The following ATP2B2 variants were observed in gnomAD, a reference collection of about 807,000 sequenced individuals.
ATP2B2 encodes the protein plasma membrane calcium-transporting ATPase 2.
In ATP2B2, 15 loss-of-function variants were observed where a neutral mutation model predicts 120.0. That is an observed-to-expected ratio of 0.12 (90% confidence interval 0.08 to 0.19). The LOEUF is 0.19. Ranked by LOEUF, ATP2B2 falls within the 10% of genes least tolerant of loss-of-function variation. The pLI, the probability that ATP2B2 is intolerant of heterozygous loss-of-function variation, is 1.00. For synonymous variants in ATP2B2, 694 were observed against 700.3 expected, an observed-to-expected ratio of 0.99 and a Z score of 0.14; for missense variants, 1,045 against 1,719.8, an observed-to-expected ratio of 0.61 and a Z score of 6.94.
chr3:10,343,005 C>T lies in ATP2B2; in HGVS notation c.2704-40G>A. The stretch of plus-strand genomic sequence containing the variant: ...GAGAGGGCTGTCACCTGTGCGCCCA[C>T]CTGCTGCTGTGAAGTGCTGGGCGGG... On this transcript the variant is annotated intron_variant, in intron 18 of 22. Transcript: ENST00000360273. The surrounding 1 kb of genome is among the most constrained non-coding windows in gnomAD (Gnocchi z 4.2). The T allele has an allele frequency of 6.2e-7, 1 of 1,600,816 alleles. No homozygotes were observed. The highest frequency in any genetic ancestry group is 8.6e-7 in the Non-Finnish European group (1 of 1,169,450).
intron 12 of ATP2B2, 32 bp downstream of exon 12, chr3:10,371,777 C>A: frequency 6.2e-7 from 1 of 1,613,992 alleles, no homozygotes; most frequent in Non-Finnish European, 8.5e-7. Context: ...GGATGTTGCT[C>A]CAGGTGGTGG....
At chr3:10,632,301 G>A (rs745374783) in intron 1 of ATP2B2, among the ~76,000 whole-genome samples, 2 of 152,152 alleles carry the variant, frequency 1.3e-5, no homozygotes, top group Admixed American at 6.5e-5. Context: ...TAGAGAGGCC[G>A]CAGTCTCCAC....
intron 5 of ATP2B2, among the ~76,000 whole-genome samples, chr3:10,393,980 T>C (rs1478383004): frequency 6.6e-6 from 1 of 152,138 alleles, no homozygotes; most frequent in Non-Finnish European, 1.5e-5. Flanking sequence ...GAGCCATAGG[T>C]AGCAGAACTG....
intron 1 of ATP2B2, among the ~76,000 whole-genome samples, chr3:10,695,940 A>G (rs1372705691): frequency 6.6e-6 from 1 of 152,194 alleles, no homozygotes; most frequent in Non-Finnish European, 1.5e-5. Context: ...TCAGTCTCAG[A>G]TGTCTTGGTT....
chr3:10,359,232 A>G (rs1228435161), intron 13 of ATP2B2, among the ~76,000 whole-genome samples: 3 of 152,216 alleles, frequency 2.0e-5, no homozygotes, highest in Non-Finnish European at 2.9e-5. Context: ...CCCTGCCTGC[A>G]CATTAGAATT....
chr3:10,342,741 G>C lies in ATP2B2; in HGVS notation c.2917+11C>G. On this transcript the variant is annotated intron_variant, in intron 19 of 22. Transcript: ENST00000360273. The surrounding 1 kb of genome is among the most constrained non-coding windows in gnomAD (Gnocchi z 4.4). ...CCGCCTGGGAGAGGCGTGGGTGGGC[G>C]AGGCGCTCACCAACAAAGAGCAGGG... 1 of 1,613,846 alleles carries C rather than the reference G, an allele frequency of 6.2e-7. No homozygotes were observed. Among genetic ancestry groups the C allele is most frequent in the Non-Finnish European group, 8.5e-7 (1 of 1,179,922 alleles).
intron 1 of ATP2B2, among the ~76,000 whole-genome samples, chr3:10,456,481 G>A (rs520006): frequency 0.8 from 121,412 of 152,154 alleles, 49,805 homozygotes; most frequent in Middle Eastern, 0.89. Context: ...CCCCAACATG[G>A]AGACAACCCT....
intron 1 of ATP2B2, among the ~76,000 whole-genome samples, chr3:10,691,039 A>T (rs2071652125): frequency 6.6e-6 from 1 of 152,212 alleles, no homozygotes. Context: ...CCAAAAGCCT[A>T]CTCAGGGTGT....
intron 2 of ATP2B2, among the ~76,000 whole-genome samples, chr3:10,549,052 T>G (rs4684044): frequency 0.5 from 76,286 of 152,056 alleles, 19,236 homozygotes; most frequent in South Asian, 0.6. Flanking sequence ...GAGGGTACAC[T>G]GATTAAATGC....
At chr3:10,565,278 C>T (rs527561793) in intron 2 of ATP2B2, among the ~76,000 whole-genome samples, 5 of 152,228 alleles carry the variant, frequency 3.3e-5, no homozygotes, top group African/African-American at 1.2e-4. Flanking sequence ...GCAACCTAGC[C>T]TTTATTATCC....
At chr3:10,374,783 C>T (rs982994889) in intron 11 of ATP2B2, among the ~76,000 whole-genome samples, 3 of 152,174 alleles carry the variant, frequency 2.0e-5, no homozygotes, top group Non-Finnish European at 4.4e-5. Flanking sequence ...ACCAAGCTTC[C>T]CCGGAAAACA....
intron 2 of ATP2B2, among the ~76,000 whole-genome samples, chr3:10,573,121 CTTCT>C (rs966742070): frequency 2.0e-5 from 3 of 149,626 alleles, no homozygotes; most frequent in East Asian, 2.0e-4. Flanking sequence ...TTATTTTCCT[CTTCT>C]TTCTTTTTAA....
intron 12 of ATP2B2, among the ~76,000 whole-genome samples, chr3:10,368,676 C>T (rs528257781): frequency 5.3e-5 from 8 of 151,960 alleles, no homozygotes; most frequent in Admixed American, 4.6e-4. Flanking sequence ...ACCCATCCAT[C>T]CACCTAACCG....
At chr3:10,378,550 C>T in intron 9 of ATP2B2, 140 bp from the exon 10 acceptor site, 1 of 1,172,816 alleles carries the variant, frequency 8.5e-7, no homozygotes, top group East Asian at 2.6e-5. Context: ...CCCCGCATGG[C>T]TGGTGCAGAA....
At chr3:10,578,962 T>A (rs1038064648) in intron 2 of ATP2B2, among the ~76,000 whole-genome samples, 1 of 152,234 alleles carries the variant, frequency 6.6e-6, no homozygotes, top group African/African-American at 2.4e-5. Flanking sequence ...GGCAACGTGC[T>A]ACAGCTGGAT....
intron 2 of ATP2B2, among the ~76,000 whole-genome samples, chr3:10,548,373 C>T (rs925699522): frequency 3.9e-5 from 6 of 152,226 alleles, no homozygotes; most frequent in Admixed American, 1.3e-4. Flanking sequence ...ACAGCATCTG[C>T]CTGAGCATGT....
At chr3:10,555,352 A>T (rs1300141067) in intron 2 of ATP2B2, among the ~76,000 whole-genome samples, 3 of 152,238 alleles carry the variant, frequency 2.0e-5, no homozygotes, top group Non-Finnish European at 4.4e-5. Context: ...TGCCTGTTGA[A>T]TGGACCACAG....
At chr3:10,679,231 A>C (rs574896013) in intron 1 of ATP2B2, among the ~76,000 whole-genome samples, 11 of 152,278 alleles carry the variant, frequency 7.2e-5, no homozygotes, top group African/African-American at 2.6e-4. Context: ...GGAAACTGTG[A>C]GATAATGCAT....
intron 12 of ATP2B2, among the ~76,000 whole-genome samples, chr3:10,361,036 T>G (rs2060883249): frequency 6.6e-6 from 1 of 152,148 alleles, no homozygotes; most frequent in Non-Finnish European, 1.5e-5. Context: ...GAGCTTGGCT[T>G]CTTTGCTCAG....
Sources: gnomAD v4.1 joint callset for allele counts (sites outside exome capture counted in the v4.1 genomes callset) on GRCh38, gnomAD v4.1.1 for gene constraint, Gnocchi (gnomAD v3.1) non-coding constraint, MANE v1.5 for transcripts, NCBI Gene and HGNC (gene_info 2026-07-23, HGNC 2026-07-21) for gene names.